Variants in ASB7 observed in about 807,000 individuals in gnomAD.
ASB7 encodes ankyrin repeat and SOCS box protein 7.
A neutral mutation model predicts 32.5 loss-of-function variants in ASB7; 4 were observed. That is an observed-to-expected ratio of 0.12 (90% CI 0.06 to 0.28). The LOEUF (loss-of-function observed/expected upper bound fraction) is 0.28. ASB7 is among the 10% of genes least tolerant of loss of function. ASB7 has a pLI of 1.00. For synonymous variants in ASB7, 172 were observed against 155.6 expected (o/e 1.11, Z -0.78); for missense variants, 181 against 407.1 (o/e 0.44, Z 4.78).
chr15:100,634,760 C>T (rs758899646), intron 5 of ASB7, among the ~76,000 whole-genome samples: 3 of 152,298 alleles, frequency 2.0e-5, no homozygotes, highest in South Asian at 2.1e-4. Flanking sequence ...GCCGAGATCA[C>T]GCCACTGCAC....
intron 4 of ASB7, among the ~76,000 whole-genome samples, chr15:100,620,593 C>G (rs2039782749): frequency 1.3e-5 from 1 of 79,898 alleles, no homozygotes; most frequent in African/African-American, 3.1e-5. Flanking sequence ...TGTACAAACC[C>G]TGGTAGTCTT....
intron 2 of ASB7, among the ~76,000 whole-genome samples, chr15:100,603,628 C>T (rs895111245): frequency 2.0e-5 from 3 of 152,124 alleles, no homozygotes; most frequent in African/African-American, 7.2e-5. Flanking sequence ...CCCTCCCTTC[C>T]TTACTCTCAT....
At chr15:100,635,302 C>T (rs1410246759) in intron 5 of ASB7, among the ~76,000 whole-genome samples, 1 of 152,186 alleles carries the variant, frequency 6.6e-6, no homozygotes, top group East Asian at 1.9e-4. Flanking sequence ...AATTCCCCGG[C>T]TGGTAATTCC....
chr15:100,603,009 G>A lies in ASB7; in HGVS notation c.-310G>A, dbSNP rs1207925527. 2 of 399,298 alleles carry A rather than the reference G, an allele frequency of 5.0e-6. No individual in the cohort carries two copies. Among genetic ancestry groups the A allele is most frequent in the East Asian group, 3.6e-5 (1 of 28,106 alleles). The allele number at this position is 399,298 out of a possible 1,614,324, so 24.7% of individuals were successfully genotyped here. On this transcript the variant is annotated 5_prime_UTR_variant, in exon 1 of 6. Coordinates refer to ENST00000332783, the MANE Select transcript of ASB7 (RefSeq NM_198243.3). ...GGAGAAGTTGGTGAGTGTAGAGGAG[G>A]CTGAAAGGAGGAAGAGAAGCAGCAG...
intron 5 of ASB7, among the ~76,000 whole-genome samples, chr15:100,639,709 G>A (rs1035611677): frequency 4.6e-5 from 7 of 152,248 alleles, no homozygotes; most frequent in African/African-American, 1.7e-4. Context: ...AGTCTTACTA[G>A]GTTTTTCAGT....
At chr15:100,640,267 C>T (rs908130700) in intron 5 of ASB7, among the ~76,000 whole-genome samples, 1 of 152,126 alleles carries the variant, frequency 6.6e-6, no homozygotes, top group Non-Finnish European at 1.5e-5. Flanking sequence ...GCCTCAGCCT[C>T]CTGAGTAGTT....
intron 4 of ASB7, among the ~76,000 whole-genome samples, chr15:100,628,123 C>T (rs947321808): frequency 2.0e-5 from 3 of 152,178 alleles, no homozygotes; most frequent in Non-Finnish European, 4.4e-5. Flanking sequence ...TAAATAGATA[C>T]AACTAATACT....
rs1026299069 is a variant in ASB7, at chr15:100,602,861, G to A, written c.-458G>A. The A allele has an allele frequency of 1.3e-5, 5 of 394,776 alleles. No individual in the cohort carries two copies. The highest frequency in any genetic ancestry group is 4.4e-5 in the Admixed American group (1 of 22,610). 24.5% of individuals were successfully genotyped at this position (394,776 alleles called of 1,614,324 possible). ...CTGCACCTCTGCCCCAAGGCTGCCC[G>A]GCGGCCGGGATCGCCACCTCCTGCC... On this transcript the variant is annotated 5_prime_UTR_variant, in exon 1 of 6. Coordinates refer to ENST00000332783, the MANE Select transcript of ASB7 (RefSeq NM_198243.3).
intron 5 of ASB7, among the ~76,000 whole-genome samples, chr15:100,634,233 T>C (rs1335452012): frequency 6.6e-6 from 1 of 152,196 alleles, no homozygotes; most frequent in African/African-American, 2.4e-5. Flanking sequence ...TTATTCAGAA[T>C]ATGAAATCTT....
At chr15:100,645,944 G>C (rs1185747946) in intron 5 of ASB7, 1 of 579,066 alleles carries the variant, frequency 1.7e-6, no homozygotes, top group Non-Finnish European at 3.3e-6. Flanking sequence ...GTCCTTGTTA[G>C]TCCCAACTGC....
intron 2 of ASB7, among the ~76,000 whole-genome samples, chr15:100,607,461 T>C (rs938602526): frequency 6.6e-6 from 1 of 152,228 alleles, no homozygotes; most frequent in African/African-American, 2.4e-5. Context: ...TCTTTTGTAA[T>C]AAATTATTTT....
chr15:100,616,759 T>C (rs758039321), intron 4 of ASB7, among the ~76,000 whole-genome samples: 1 of 152,270 alleles, frequency 6.6e-6, no homozygotes, highest in Non-Finnish European at 1.5e-5. Context: ...CAGTGTATTA[T>C]GAACCAACTT....
chr15:100,616,371 G>A (rs1486938417), intron 4 of ASB7, among the ~76,000 whole-genome samples: 1 of 152,064 alleles, frequency 6.6e-6, no homozygotes, highest in Non-Finnish European at 1.5e-5. Flanking sequence ...GTGAATTATG[G>A]TTTTCTTTAG....
intron 3 of ASB7, among the ~76,000 whole-genome samples, chr15:100,611,574 G>A (rs2141388622): frequency 1.4e-5 from 2 of 138,032 alleles, no homozygotes; most frequent in South Asian, 4.7e-4. Flanking sequence ...CCACCTCCCG[G>A]GTTCAAGCAA....
At chr15:100,637,823 G>T (rs541278752) in intron 5 of ASB7, among the ~76,000 whole-genome samples, 1 of 152,186 alleles carries the variant, frequency 6.6e-6, no homozygotes, top group African/African-American at 2.4e-5. Context: ...ACAGCATGTT[G>T]TAACAGATGA....
At chr15:100,631,615 A>C (rs1319145271) in intron 5 of ASB7, among the ~76,000 whole-genome samples, 1 of 152,040 alleles carries the variant, frequency 6.6e-6, no homozygotes, top group African/African-American at 2.4e-5. Flanking sequence ...CCCTTTTTTA[A>C]AATACTTTGT....
In ASB7 at chr15:100,602,771, C is replaced by T. The variant is rs866873538; in HGVS notation, c.-548C>T. On this transcript the variant is annotated 5_prime_UTR_variant, in exon 1 of 6. Coordinates refer to ENST00000332783, the MANE Select transcript of ASB7 (RefSeq NM_198243.3). ...AGCCTCCGGCCCGGAGCGCGGCAGC[C>T]CCCTGCTCCGAGCCCTGGACCGGGA... 4 of 387,892 alleles carry T rather than the reference C, an allele frequency of 1.0e-5. No individual in the cohort carries two copies. The highest frequency in any genetic ancestry group is 6.5e-4 in the Middle Eastern group (1 of 1,534). The allele number at this position is 387,892 out of a possible 1,614,324, so 24.0% of individuals were successfully genotyped here.
intron 2 of ASB7, among the ~76,000 whole-genome samples, chr15:100,604,694 A>G (rs984626842): frequency 2.6e-5 from 4 of 152,180 alleles, no homozygotes; most frequent in Admixed American, 6.5e-5. Flanking sequence ...GTATCTACCA[A>G]TGACTGTTCC....
intron 2 of ASB7, 104 bp downstream of exon 2, chr15:100,603,417 AC>A (rs1185433058): frequency 1.9e-3 from 223 of 118,122 alleles, no homozygotes; most frequent in Middle Eastern, 4.5e-3. Context: ...AACCTTTCCT[AC>A]CCCCCCCACC....
Sources: allele counts gnomAD v4.1 joint callset (sites outside exome capture counted in the v4.1 genomes callset), GRCh38; gene constraint gnomAD v4.1.1; transcripts MANE v1.5; gene names NCBI Gene and HGNC (gene_info 2026-07-23, HGNC 2026-07-21).